The following KIF1B variants were observed in gnomAD, a reference collection of about 807,000 sequenced individuals.
KIF1B encodes the protein kinesin family member 1B.
Under a neutral mutation model 241.9 loss-of-function variants are expected in KIF1B, and 76 were observed. That is an observed-to-expected ratio of 0.31 (90% CI 0.26 to 0.38). The LOEUF is 0.38. Ranked by LOEUF, KIF1B falls within the 10% of genes least tolerant of loss-of-function variation. KIF1B has a pLI of 1.00. For missense variants in KIF1B, 1,622 were observed against 2,271.4 expected (o/e 0.71, Z 5.81); for synonymous variants, 750 against 796.7 (o/e 0.94, Z 0.99).
rs1332046524 is a variant in KIF1B, at chr1:10,297,003, T to C, written c.1968T>C (p.Pro656=). Residue 656 remains proline, a synonymous_variant, in exon 21 of 49, where the codon CCT becomes CCC. Transcript: ENST00000676179. ...KTPSAETPSE[P]VDWTFAQREL... ...CTTCTGCTGAGACCCCCTCTGAGCC[T>C]GTGGACTGGACATTTGCCCAGAGGG... 4 of 1,614,068 alleles carry C rather than the reference T, an allele frequency of 2.5e-6. No homozygotes were observed. Among genetic ancestry groups the C allele is most frequent in the Admixed American group, 3.3e-5 (2 of 60,004 alleles).
chr1:10,217,895 A>G (rs1372593881), intron 1 of KIF1B, among the ~76,000 whole-genome samples: 1 of 152,072 alleles, frequency 6.6e-6, no homozygotes, highest in Non-Finnish European at 1.5e-5. Context: ...TTCCTCCATG[A>G]CAAGGAGGTT....
chr1:10,305,289 G>C lies in KIF1B; in HGVS notation c.2115+8043G>C. 4 of 1,043,952 alleles carry C rather than the reference G, an allele frequency of 3.8e-6. No individual in the cohort carries two copies. In the South Asian group the frequency reaches 1.4e-4, roughly 36 times the overall value. 64.7% of individuals were successfully genotyped at this position (1,043,952 alleles called of 1,614,324 possible). A position where few individuals can be genotyped will look rare whatever the true frequency, so the allele number is the denominator to read the frequency against. On this transcript the variant is annotated intron_variant, in intron 22 of 48. Coordinates refer to ENST00000676179, the MANE Select transcript of KIF1B (RefSeq NM_001365951.3). ...GTATTTTACAAAAAACTCATATAAT[G>C]GTTTTTTCTTTTGAATGTATCAGAA...
intron 22 of KIF1B, among the ~76,000 whole-genome samples, chr1:10,300,915 G>A (rs896797943): frequency 6.6e-6 from 1 of 152,156 alleles, no homozygotes; most frequent in Admixed American, 6.5e-5. Flanking sequence ...AATGGGCTTA[G>A]TACTCATTTG....
At chr1:10,273,736 AAAAC>A (rs1648944365) in intron 10 of KIF1B, among the ~76,000 whole-genome samples, 2 of 88,048 alleles carry the variant, frequency 2.3e-5, no homozygotes, top group Admixed American at 1.4e-4. Context: ...AAAAAAAAAA[AAAAC>A]CCAACAAACA....
intron 11 of KIF1B, 105 bp downstream of exon 11, chr1:10,275,608 ATGTTACTACT>A (rs1649057842): frequency 2.6e-6 from 2 of 781,770 alleles, no homozygotes; most frequent in South Asian, 2.7e-5. Flanking sequence ...CTAGATATTC[ATGTTACTACT>A]TGAGTGTTCC....
Position 10,303,292 on chromosome 1 carries a change from C to G in KIF1B, c.2115+6046C>G. 1 of 1,614,114 alleles carries G rather than the reference C, an allele frequency of 6.2e-7. No homozygotes were observed. Among genetic ancestry groups the G allele is most frequent in the Non-Finnish European group, 8.5e-7 (1 of 1,180,032 alleles). Reference sequence around the variant, plus strand: ...AACCATTGTTAAAAAATGTGGCCTCCCAAGCAGTGGGAAGAAACGTGAACC... The same window carrying G: ...AACCATTGTTAAAAAATGTGGCCTCGCAAGCAGTGGGAAGAAACGTGAACC... On this transcript the variant is annotated intron_variant, in intron 22 of 48. Transcript: ENST00000676179. This position sits in a 1 kb window ranked among gnomAD's most constrained non-coding sequence, Gnocchi z 5.2.
intron 26 of KIF1B, 106 bp downstream of exon 26, chr1:10,325,001 A>T: frequency 7.8e-7 from 1 of 1,280,990 alleles, no homozygotes; most frequent in Non-Finnish European, 1.1e-6. Context: ...AAAAAGGTGT[A>T]AAAAGGCCTT....
Position 10,232,261 on chromosome 1 carries a change from G to A in KIF1B, c.-68G>A, listed in dbSNP as rs529564378. On this transcript the variant is annotated 5_prime_UTR_variant, in exon 2 of 49. Coordinates refer to ENST00000676179, the MANE Select transcript of KIF1B (RefSeq NM_001365951.3). ...TTTTCTTTTCAAAGGAAACTTGGCT[G>A]TAACTTCAAAAGAAGATTTGATTCT... 2.4e-6 allele frequency: 3 copies of A among 1,256,738 alleles called. No homozygotes were observed. Among genetic ancestry groups the A allele is most frequent in the African/African-American group, 3.0e-5 (2 of 67,652 alleles). The allele number at this position is 1,256,738 out of a possible 1,614,324, so 77.8% of individuals were successfully genotyped here.
intron 22 of KIF1B, among the ~76,000 whole-genome samples, chr1:10,300,213 G>A (rs370400517): frequency 9.3e-5 from 13 of 140,436 alleles, no homozygotes; most frequent in African/African-American, 2.6e-4. Context: ...CTCAAGCCTG[G>A]GTGATAAAGC....
chr1:10,286,444 C>G (rs1649719826), intron 15 of KIF1B, among the ~76,000 whole-genome samples: 1 of 152,200 alleles, frequency 6.6e-6, no homozygotes, highest in African/African-American at 2.4e-5. Flanking sequence ...TAGGCTTAGC[C>G]TATAAATATC....
intron 3 of KIF1B, among the ~76,000 whole-genome samples, chr1:10,258,132 T>C (rs1403611669): frequency 6.6e-6 from 1 of 152,254 alleles, no homozygotes; most frequent in Non-Finnish European, 1.5e-5. Flanking sequence ...ATATGTGGAC[T>C]TGACCTTTGG....
At chr1:10,257,676 G>A (rs1647874480) in intron 3 of KIF1B, among the ~76,000 whole-genome samples, 1 of 151,644 alleles carries the variant, frequency 6.6e-6, no homozygotes, top group East Asian at 1.9e-4. Flanking sequence ...TGTTTTTCCT[G>A]TTTTGTATTT....
At chr1:10,334,703 C>G (rs1652098582) in intron 28 of KIF1B, 65 bp downstream of exon 28, 1 of 1,240,890 alleles carries the variant, frequency 8.1e-7, no homozygotes, top group South Asian at 1.2e-5. Flanking sequence ...CAGGCTGATT[C>G]TGCGTGGGTC....
At position 10,297,177 on chromosome 1, in the gene KIF1B, A is replaced by C. The variant is rs1192401478; in HGVS notation, c.2046A>C (p.Leu682=). 6.2e-7 allele frequency: 1 copy of C among 1,609,910 alleles called. No individual in the cohort carries two copies. The highest frequency in any genetic ancestry group is 2.2e-5 in the East Asian group (1 of 44,830). The change falls in exon 22 of 49, where the codon CTA becomes CTC. Residue 682 remains leucine, a synonymous_variant. Transcript: ENST00000676179. ...TTTTTTTTTTTTTTACTTCTAGGCT[A>C]CAGGAAATGGAGATCTTATACAAAA... ...IDMKQEMEKR[L]QEMEILYKKE... is the part of the protein sequence containing the mutation.
At chr1:10,316,502 ATTG>A (rs1253726941) in intron 22 of KIF1B, among the ~76,000 whole-genome samples, 4 of 150,902 alleles carry the variant, frequency 2.7e-5, no homozygotes, top group Non-Finnish European at 5.9e-5. Context: ...GTTTGTTGCT[ATTG>A]TTGTTGTTTT....
rs1180929845 is a variant in KIF1B, at chr1:10,275,433, AAAG to A, written c.897_899del (p.Lys300del). On this transcript the variant is annotated inframe_deletion, in exon 11 of 49. Transcript: ENST00000676179. ...CATTTCTTTTCCTTTAATAGAGTAA[AAAG>A]AAGAAGAAAACAGATTTTATTCCCT... is the stretch of plus-strand genomic sequence containing the variant. 3 of 1,563,028 alleles carry A rather than the reference AAAG, an allele frequency of 1.9e-6. No individual in the cohort carries two copies. Among genetic ancestry groups the A allele is most frequent in the East Asian group, 2.2e-5 (1 of 44,608 alleles).
intron 22 of KIF1B, chr1:10,305,529 G>A (rs1650787881): frequency 1.2e-5 from 13 of 1,060,008 alleles, no homozygotes; most frequent in Non-Finnish European, 1.5e-5. Flanking sequence ...GGACAGACAT[G>A]GGGGACAAAG....
intron 31 of KIF1B, 68 bp from the exon 32 acceptor site, chr1:10,339,700 CT>C: frequency 7.8e-7 from 1 of 1,278,794 alleles, no homozygotes; most frequent in Non-Finnish European, 1.1e-6. Flanking sequence ...CCACATTGGG[CT>C]CTTGAAAGAG....
chr1:10,347,860 G>A, intron 36 of KIF1B, 33 bp downstream of exon 36: 2 of 1,521,236 alleles, frequency 1.3e-6, no homozygotes, highest in Non-Finnish European at 1.8e-6. Context: ...GGCATCGGAG[G>A]GAACACTGAA....
Sources: gnomAD v4.1 joint callset for allele counts (sites outside exome capture counted in the v4.1 genomes callset) on GRCh38, gnomAD v4.1.1 for gene constraint, Gnocchi (gnomAD v3.1) non-coding constraint, MANE v1.5 for transcripts, NCBI Gene and HGNC (gene_info 2026-07-23, HGNC 2026-07-21) for gene names.